Variants in CNTNAP3B observed in about 807,000 individuals in gnomAD.
The protein encoded by CNTNAP3B is contactin-associated protein-like 3B.
In CNTNAP3B, 25 loss-of-function variants were observed where a neutral mutation model predicts 108.9. The ratio of observed to expected loss-of-function variants is 0.23; its 90% confidence interval spans 0.17 to 0.32. The LOEUF (loss-of-function observed/expected upper bound fraction) is 0.32. Ranked by LOEUF, CNTNAP3B falls within the 10% of genes least tolerant of loss-of-function variation. The pLI, the probability that CNTNAP3B is intolerant of heterozygous loss-of-function variation, is 1.00. For missense variants in CNTNAP3B, 252 were observed against 1,210.4 expected, an observed-to-expected ratio of 0.21 and a Z score of 11.75; for synonymous variants, 103 against 473.4, an observed-to-expected ratio of 0.22 and a Z score of 10.16.
At position 41,986,246 on chromosome 9, in the gene CNTNAP3B, C is replaced by A; in HGVS notation, c.1399G>T (p.Val467Leu). The A allele has an allele frequency of 9.1e-7, 1 of 1,095,972 alleles. No individual in the cohort carries two copies. The highest frequency in any genetic ancestry group is 1.2e-6 in the Non-Finnish European group (1 of 816,664). 67.9% of individuals were successfully genotyped at this position (1,095,972 alleles called of 1,614,324 possible). A position where few individuals can be genotyped will look rare whatever the true frequency, so the allele number is the denominator to read the frequency against. ...SFSAKWSHMNVVVDDDTAVQP... is the reference protein window; with the variant it reads ...SFSAKWSHMNLVVDDDTAVQP... ...ACAGCTGTGTCATCATCCACCACCA[C>A]ATTCATATGGCTCCACTTGGCAGAG... The change falls in exon 9 of 24, where the codon GTG becomes TTG. Residue 467 changes from valine to leucine, a missense_variant. By Grantham distance (32) the Val-to-Leu change is conservative. Coordinates refer to ENST00000377561, the MANE Select transcript of CNTNAP3B (RefSeq NM_001201380.3).
rs1397551117 is a variant in CNTNAP3B, at chr9:41,995,542, T to C, written c.1071+663A>G. Among the ~76,000 whole-genome samples the C allele has an allele frequency of 3.8e-4, 51 of 135,324 alleles. 6 individuals are homozygous for C. Among genetic ancestry groups the C allele is most frequent in the African/African-American group, 1.5e-3 (51 of 33,474 alleles). 88.8% of individuals were successfully genotyped at this position (135,324 alleles called of 152,430 possible). On this transcript the variant is annotated intron_variant, in intron 7 of 23. Coordinates refer to ENST00000377561, the MANE Select transcript of CNTNAP3B (RefSeq NM_001201380.3). ...CGAGGTTGGGAAATCGAGACCATCCTGGCTAACATGGTGAAACCCCGTCTC... is the reference window on the plus strand; with the variant it reads ...CGAGGTTGGGAAATCGAGACCATCCCGGCTAACATGGTGAAACCCCGTCTC...
intron 3 of CNTNAP3B, among the ~76,000 whole-genome samples, chr9:42,036,023 G>A (rs1260050266): frequency 4.8e-5 from 7 of 147,274 alleles, no homozygotes; most frequent in Non-Finnish European, 9.0e-5. Flanking sequence ...CAGGAGAATC[G>A]CTTGAACCTG....
intron 3 of CNTNAP3B, among the ~76,000 whole-genome samples, chr9:42,041,780 C>T (rs1359297581): frequency 7.2e-6 from 1 of 139,358 alleles, no homozygotes; most frequent in Admixed American, 7.1e-5. Flanking sequence ...TATAAAGACA[C>T]ATGCACGTGT....
chr9:41,934,388 T>G (rs1426240248), intron 14 of CNTNAP3B, among the ~76,000 whole-genome samples: 1 of 152,214 alleles, frequency 6.6e-6, no homozygotes, highest in African/African-American at 2.4e-5. Flanking sequence ...CTGGCTAATA[T>G]TTTTTGTATT....
At chr9:42,041,822 A>T (rs1174754920) in intron 3 of CNTNAP3B, among the ~76,000 whole-genome samples, 2 of 143,752 alleles carry the variant, frequency 1.4e-5, no homozygotes, top group East Asian at 2.1e-4. Flanking sequence ...AATAGCAAAG[A>T]CTTGGAACCA....
In CNTNAP3B at chr9:41,920,247, C is replaced by G. The variant is rs1318217801; in HGVS notation, c.2818G>C (p.Val940Leu). The part of the protein sequence containing the change: ...GCIRSLQLNG[V>L]ALDLEERATV... ...GCTCTTTCTTCCAGATCCAGGGCCA[C>G]CCCGTTCAACTGCAGAGACCGAATG... Residue 940 changes from valine to leucine, a missense_variant, in exon 18 of 24, where the codon GTG becomes CTG. Transcript: ENST00000377561. 1 of 1,596,474 alleles carries G rather than the reference C, an allele frequency of 6.3e-7. No individual in the cohort carries two copies. Among genetic ancestry groups the G allele is most frequent in the African/African-American group, 1.3e-5 (1 of 74,318 alleles).
intron 10 of CNTNAP3B, among the ~76,000 whole-genome samples, chr9:41,967,225 C>T (rs1459388312): frequency 1.3e-5 from 2 of 152,194 alleles, no homozygotes; most frequent in East Asian, 3.9e-4. Context: ...CTCATAATTC[C>T]CACTGTGTCA....
At chr9:41,932,909 C>A (rs1304211689) in intron 14 of CNTNAP3B, among the ~76,000 whole-genome samples, 1 of 152,306 alleles carries the variant, frequency 6.6e-6, no homozygotes, top group African/African-American at 2.4e-5. Flanking sequence ...TCTAGATTCT[C>A]AGTTTCTGTT....
intron 13 of CNTNAP3B, among the ~76,000 whole-genome samples, chr9:41,938,970 C>T (rs1379614650): frequency 6.6e-6 from 1 of 152,146 alleles, no homozygotes; most frequent in Non-Finnish European, 1.5e-5. Flanking sequence ...CTTTTCTCAT[C>T]TCTGAGGTTA....
chr9:42,091,845 A>G (rs1827819408), intron 2 of CNTNAP3B, among the ~76,000 whole-genome samples: 1 of 91,594 alleles, frequency 1.1e-5, no homozygotes, highest in Admixed American at 1.2e-4. Flanking sequence ...GTGGAAACTT[A>G]GCAACTTTGA....
At chr9:42,064,951 AG>A (rs1220140926) in intron 3 of CNTNAP3B, among the ~76,000 whole-genome samples, 2 of 149,444 alleles carry the variant, frequency 1.3e-5, no homozygotes, top group African/African-American at 5.0e-5. Flanking sequence ...TAGAATGATT[AG>A]ATTTCTTTTG....
rs188612655 is a variant in CNTNAP3B at position 42,113,001 on chromosome 9, T to A, written c.86-8262A>T. Among the ~76,000 whole-genome samples, 158 of 132,340 alleles carry A rather than the reference T, an allele frequency of 1.2e-3. 44 individuals are homozygous for A. The highest frequency in any genetic ancestry group is 4.5e-3 in the African/African-American group (147 of 32,878). 86.8% of individuals were successfully genotyped at this position (132,340 alleles called of 152,430 possible). A position where few individuals can be genotyped will look rare whatever the true frequency, so the allele number is the denominator to read the frequency against. ...CGATCTCCTGATCTCGTGATCCACC[T>A]GCCTCAACCTCCCAAAGTGCTGGGA... On this transcript the variant is annotated intron_variant, in intron 1 of 23. Coordinates refer to ENST00000377561, the MANE Select transcript of CNTNAP3B (RefSeq NM_001201380.3).
chr9:41,956,322 G>A (rs1306678881), intron 12 of CNTNAP3B, among the ~76,000 whole-genome samples: 4 of 151,888 alleles, frequency 2.6e-5, no homozygotes, highest in Non-Finnish European at 5.9e-5. Context: ...GGAGGTGGAG[G>A]TTGCAGTGAG....
Position 41,894,096 on chromosome 9 carries a change from C to A in CNTNAP3B, c.3760G>T (p.Glu1254Ter), listed in dbSNP as rs1823380129. Residue 1254 changes from glutamate to a stop codon, truncating the protein, a stop_gained, in exon 24 of 24, where the codon GAG becomes TAG. Transcript: ENST00000377561. LOFTEE classifies it high-confidence loss of function. ...SAVIGGVIAV[E>*]IFILLCITAI... is the part of the protein sequence containing the mutation. ...GTGATGCAAAGCAAAATAAATATCT[C>A]CACTGCTATCACACCTAGGGAGAGA... is the stretch of plus-strand genomic sequence containing the variant. The A allele has an allele frequency of 2.1e-5, 1 of 48,704 alleles. No individual in the cohort carries two copies. Among genetic ancestry groups the A allele is most frequent in the Non-Finnish European group, 3.7e-5 (1 of 27,346 alleles). 3.0% of individuals were successfully genotyped at this position (48,704 alleles called of 1,614,324 possible). A position where few individuals can be genotyped will look rare whatever the true frequency, so the allele number is the denominator to read the frequency against.
chr9:41,926,139 A>G (rs1588043464), intron 15 of CNTNAP3B, among the ~76,000 whole-genome samples: 1 of 152,248 alleles, frequency 6.6e-6, no homozygotes, highest in African/African-American at 2.4e-5. Context: ...TTTTTAACCC[A>G]GCACCACAGG....
At chr9:42,121,504 A>T (rs1390208532) in intron 1 of CNTNAP3B, among the ~76,000 whole-genome samples, 1 of 138,364 alleles carries the variant, frequency 7.2e-6, no homozygotes, top group Non-Finnish European at 1.5e-5. Context: ...GGTAGAGGAC[A>T]TCTGCCTAGC....
At chr9:42,030,182 TA>T (rs1826486551) in intron 3 of CNTNAP3B, among the ~76,000 whole-genome samples, 1 of 77,780 alleles carries the variant, frequency 1.3e-5, no homozygotes, top group Non-Finnish European at 2.4e-5. Flanking sequence ...AAGACTGAAA[TA>T]AAAGTTAAGC....
intron 2 of CNTNAP3B, among the ~76,000 whole-genome samples, chr9:42,088,386 T>G (rs1247125438): frequency 7.2e-6 from 1 of 138,046 alleles, no homozygotes; most frequent in Non-Finnish European, 1.5e-5. Flanking sequence ...AAATATTTCT[T>G]GTTCTCATGT....
At chr9:41,945,448 G>A (rs1324503077) in intron 13 of CNTNAP3B, among the ~76,000 whole-genome samples, 1 of 152,310 alleles carries the variant, frequency 6.6e-6, no homozygotes, top group Non-Finnish European at 1.5e-5. Flanking sequence ...GAAAAAGGAT[G>A]AGTTCATGTC....
Sources: gnomAD v4.1 joint callset for allele counts (sites outside exome capture counted in the v4.1 genomes callset) on GRCh38, gnomAD v4.1.1 for gene constraint, MANE v1.5 for transcripts, NCBI Gene and HGNC (gene_info 2026-07-23, HGNC 2026-07-21) for gene names.